Variants in ERI3 observed in about 807,000 individuals in gnomAD.
The protein encoded by ERI3 is ERI1 exoribonuclease family member 3.
A neutral mutation model predicts 44.4 loss-of-function variants in ERI3; 18 were observed. That is an observed-to-expected ratio of 0.41 (90% confidence interval 0.28 to 0.60). The LOEUF (loss-of-function observed/expected upper bound fraction) is 0.60. ERI3 is among the 20% of genes least tolerant of loss of function. The probability of loss-of-function intolerance (pLI) is 0.36; values close to 1 mark genes in which losing one functional copy is unlikely to be tolerated. For missense variants in ERI3, 294 were observed against 435.5 expected, an observed-to-expected ratio of 0.68 and a Z score of 2.89; for synonymous variants, 183 against 164.8, an observed-to-expected ratio of 1.11 and a Z score of -0.84.
rs766785716 is a variant in ERI3, at chr1:44,308,417, G to A, written c.667-16C>T. The A allele has an allele frequency of 1.1e-5, 18 of 1,607,704 alleles. No individual in the cohort carries two copies. The highest frequency in any genetic ancestry group is 1.5e-5 in the Non-Finnish European group (18 of 1,174,350). On this transcript the variant is annotated splice_polypyrimidine_tract_variant and intron_variant, in intron 5 of 8. Coordinates refer to ENST00000372257, the MANE Select transcript of ERI3 (RefSeq NM_024066.3). ...CATCGACCCTCTGAAAAGTACACAA[G>A]AACAAATGAGATTTTCCTTTTTTTT... is the stretch of plus-strand genomic sequence containing the variant.
intron 2 of ERI3, among the ~76,000 whole-genome samples, chr1:44,344,877 C>T (rs1646753211): frequency 6.6e-6 from 1 of 152,128 alleles, no homozygotes; most frequent in Non-Finnish European, 1.5e-5. Context: ...GGCCCAGGTC[C>T]CCAGTGGGGA....
chr1:44,296,136 C>T (rs1180630565), intron 6 of ERI3, among the ~76,000 whole-genome samples: 1 of 152,182 alleles, frequency 6.6e-6, no homozygotes, highest in Non-Finnish European at 1.5e-5. Flanking sequence ...CTTCTCCACC[C>T]CCCTCCACCG....
chr1:44,275,977 G>A (rs904355640), intron 7 of ERI3, among the ~76,000 whole-genome samples: 2 of 152,214 alleles, frequency 1.3e-5, no homozygotes, highest in African/African-American at 2.4e-5. Flanking sequence ...CATCGGGTGA[G>A]TGCCTCAGGC....
intron 7 of ERI3, among the ~76,000 whole-genome samples, chr1:44,276,947 A>C (rs979449075): frequency 6.6e-6 from 1 of 152,214 alleles, no homozygotes; most frequent in Non-Finnish European, 1.5e-5. Flanking sequence ...TCCACAATGA[A>C]TTAATACCAT....
intron 8 of ERI3, among the ~76,000 whole-genome samples, chr1:44,230,817 C>T (rs183595119): frequency 6.6e-6 from 1 of 152,294 alleles, no homozygotes; most frequent in Admixed American, 6.5e-5. Context: ...TGGCCTTCTC[C>T]ATTGTATCTA....
At chr1:44,301,272 C>T (rs1297961840) in intron 6 of ERI3, among the ~76,000 whole-genome samples, 2 of 152,166 alleles carry the variant, frequency 1.3e-5, no homozygotes, top group Non-Finnish European at 2.9e-5. Context: ...CCCAGAATTC[C>T]TATACAACCT....
chr1:44,333,674 T>C (rs968037443), intron 3 of ERI3, among the ~76,000 whole-genome samples: 2 of 152,252 alleles, frequency 1.3e-5, no homozygotes, highest in African/African-American at 4.8e-5. Context: ...TATAGTTTGC[T>C]TTGTAGGGAT....
At chr1:44,251,722 C>T (rs1392488514) in intron 7 of ERI3, among the ~76,000 whole-genome samples, 1 of 152,160 alleles carries the variant, frequency 6.6e-6, no homozygotes, top group Non-Finnish European at 1.5e-5. Context: ...ACAATAAAGG[C>T]TTGGGTGTGG....
intron 5 of ERI3, among the ~76,000 whole-genome samples, chr1:44,311,443 C>T (rs1193492196): frequency 1.3e-5 from 2 of 152,116 alleles, no homozygotes; most frequent in Non-Finnish European, 2.9e-5. Context: ...AAGCAGAGCC[C>T]GGTCCGGTCT....
chr1:44,342,519 CAGAT>C (rs1027624088), intron 2 of ERI3, among the ~76,000 whole-genome samples: 40 of 151,418 alleles, frequency 2.6e-4, no homozygotes, highest in Middle Eastern at 3.4e-3. Flanking sequence ...AGATGTGTAT[CAGAT>C]AGATAGATGG....
chr1:44,289,031 C>A (rs1269372782), intron 6 of ERI3, among the ~76,000 whole-genome samples: 1 of 152,220 alleles, frequency 6.6e-6, no homozygotes, highest in African/African-American at 2.4e-5. Context: ...AGCTCCCCAA[C>A]TGCCCAAACA....
At chr1:44,261,654 G>A (rs1030587858) in intron 7 of ERI3, among the ~76,000 whole-genome samples, 3 of 152,358 alleles carry the variant, frequency 2.0e-5, no homozygotes, top group African/African-American at 7.2e-5. Context: ...TATGCGCTCC[G>A]CTCCGTCCCC....
At chr1:44,264,501 G>A (rs1644952405) in intron 7 of ERI3, among the ~76,000 whole-genome samples, 1 of 152,218 alleles carries the variant, frequency 6.6e-6, no homozygotes, top group African/African-American at 2.4e-5. Context: ...CAGCAGCCCC[G>A]CGCCTGGACG....
At position 44,339,216 on chromosome 1, in the gene ERI3, T is replaced by A; in HGVS notation, c.318A>T (p.Leu106Phe). Residue 106 changes from leucine to phenylalanine, a missense_variant, in exon 3 of 9, where the codon TTA becomes TTT. This residue lies in a region of ERI3 where 187 missense variants were observed against 338.6 expected (regional missense o/e 0.55). Coordinates refer to ENST00000372257, the MANE Select transcript of ERI3 (RefSeq NM_024066.3). ...SRARKVLGSHLFSPCGVPEFC... is the reference protein window; with the variant it reads ...SRARKVLGSHFFSPCGVPEFC... Reference sequence around the variant, plus strand: ...ACTCCGGAACACCACAGGGAGAAAATAAGTGGGAGCCCAGCACTTTTCTTG... The same window carrying A: ...ACTCCGGAACACCACAGGGAGAAAAAAAGTGGGAGCCCAGCACTTTTCTTG... 2 of 1,612,918 alleles carry A rather than the reference T, an allele frequency of 1.2e-6. No individual in the cohort carries two copies. The highest frequency in any genetic ancestry group is 3.3e-5 in the Admixed American group (2 of 59,878).
chr1:44,341,280 G>A (rs147578028), intron 2 of ERI3, among the ~76,000 whole-genome samples: 80 of 152,286 alleles, frequency 5.3e-4, no homozygotes, highest in Non-Finnish European at 8.1e-4. Context: ...CTCCTTAAGT[G>A]AGAACAAAAT....
intron 8 of ERI3, 68 bp downstream of exon 8, chr1:44,247,871 T>C (rs1197805314): frequency 2.3e-6 from 3 of 1,294,400 alleles, no homozygotes; most frequent in South Asian, 1.3e-5. Flanking sequence ...TCTATGTGCC[T>C]GGGGACTGGG....
At chr1:44,354,258 G>A (rs1322912976) in intron 1 of ERI3, 1 of 985,414 alleles carries the variant, frequency 1.0e-6, no homozygotes, top group Non-Finnish European at 1.2e-6. Flanking sequence ...CCATTGAAGT[G>A]GCCAGAGACC....
At chr1:44,264,484 T>C (rs1259458268) in intron 7 of ERI3, among the ~76,000 whole-genome samples, 1 of 152,242 alleles carries the variant, frequency 6.6e-6, no homozygotes, top group East Asian at 1.9e-4. Context: ...TAATCAATGA[T>C]TGCTATCAGC....
At position 44,252,225 on chromosome 1, in the gene ERI3, C is replaced by A. The variant is rs963873019; in HGVS notation, c.832-4187G>T. 6.6e-6 allele frequency among the ~76,000 whole-genome samples: 1 copy of A among 152,218 alleles called. No homozygotes were observed. Among genetic ancestry groups the A allele is most frequent in the Non-Finnish European group, 1.5e-5 (1 of 68,030 alleles). On this transcript the variant is annotated intron_variant, in intron 7 of 8. Coordinates refer to ENST00000372257, the MANE Select transcript of ERI3 (RefSeq NM_024066.3). This position sits in a 1 kb window ranked among gnomAD's most constrained non-coding sequence, Gnocchi z 4.7. Reference sequence around the variant, plus strand: ...CTGAGGTGAAAGATGCTGGGCCTACCAAGCCAAACCACCTCAGCCCTGTGC... The same window carrying A: ...CTGAGGTGAAAGATGCTGGGCCTACAAAGCCAAACCACCTCAGCCCTGTGC...
Sources: allele counts gnomAD v4.1 joint callset (sites outside exome capture counted in the v4.1 genomes callset), GRCh38; gene constraint gnomAD v4.1.1; regional missense constraint gnomAD v4.1.1; non-coding constraint Gnocchi (gnomAD v3.1); transcripts MANE v1.5; gene names NCBI Gene and HGNC (gene_info 2026-07-23, HGNC 2026-07-21).